Variants in GUCY1A1 observed in about 807,000 individuals in gnomAD.
The protein encoded by GUCY1A1 is guanylate cyclase 1 soluble subunit alpha 1.
A neutral mutation model predicts 64.5 loss-of-function variants in GUCY1A1; 48 were observed. The ratio of observed to expected loss-of-function variants is 0.74; its 90% CI spans 0.59 to 0.95. GUCY1A1 has a LOEUF of 0.95. Among genes scored for constraint, GUCY1A1 ranks in the 40% least tolerant of loss-of-function variants. The pLI, the probability that GUCY1A1 is intolerant of heterozygous loss-of-function variation, is 0.00. For missense variants in GUCY1A1, 804 were observed against 825.3 expected, an observed-to-expected ratio of 0.97 and a Z score of 0.32; for synonymous variants, 308 against 303.4, an observed-to-expected ratio of 1.02 and a Z score of -0.16.
chr4:155,690,343 T>A (rs1005672645), intron 2 of GUCY1A1, among the ~76,000 whole-genome samples: 1 of 152,148 alleles, frequency 6.6e-6, no homozygotes, highest in Non-Finnish European at 1.5e-5. Context: ...TGATTCATTT[T>A]TTCCCCCCAG....
chr4:155,676,277 A>G (rs1188130748), intron 2 of GUCY1A1, among the ~76,000 whole-genome samples: 1 of 148,770 alleles, frequency 6.7e-6, no homozygotes, highest in Non-Finnish European at 1.5e-5. Flanking sequence ...AAAAGAAAGC[A>G]AAGAATGTCC....
chr4:155,703,470 G>A (rs910664694), intron 3 of GUCY1A1, among the ~76,000 whole-genome samples: 4 of 152,212 alleles, frequency 2.6e-5, no homozygotes, highest in African/African-American at 9.6e-5. Flanking sequence ...TGGGTGTGGA[G>A]TTTGTGAAAG....
At chr4:155,682,603 T>G (rs1444012132) in intron 2 of GUCY1A1, among the ~76,000 whole-genome samples, 2 of 151,022 alleles carry the variant, frequency 1.3e-5, no homozygotes, top group African/African-American at 4.9e-5. Flanking sequence ...AACCGGGAGG[T>G]GGAGGTTGCA....
At chr4:155,684,527 A>G (rs7697320) in intron 2 of GUCY1A1, among the ~76,000 whole-genome samples, 17,096 of 152,136 alleles carry the variant, frequency 0.11, 3,206 homozygotes, top group African/African-American at 0.39. Context: ...GTACCTGACT[A>G]CCCATCAATT....
rs1280749453 is a variant in GUCY1A1, at chr4:155,713,109, C to G, written c.1098C>G (p.Leu366=). ...CCTTTCCTTCATAGGTTATGGACCT[C>G]AAAGGCCAAATGATCTACATTGTTG... is the stretch of plus-strand genomic sequence containing the variant. ...SVKKSSRVMD[L]KGQMIYIVES... Residue 366 remains leucine, a synonymous_variant, in exon 7 of 10, where the codon CTC becomes CTG. Coordinates refer to ENST00000506455, the MANE Select transcript of GUCY1A1 (RefSeq NM_001130682.3). The G allele has an allele frequency of 6.2e-7, 1 of 1,610,018 alleles. No homozygotes were observed. Among genetic ancestry groups the G allele is most frequent in the Non-Finnish European group, 8.5e-7 (1 of 1,177,640 alleles).
intron 9 of GUCY1A1, among the ~76,000 whole-genome samples, chr4:155,727,296 A>G (rs951703017): frequency 6.6e-6 from 1 of 151,892 alleles, no homozygotes; most frequent in Admixed American, 6.6e-5. Context: ...TAAAAAGACA[A>G]TATAATGAAC....
At chr4:155,677,593 G>T (rs1579002981) in intron 2 of GUCY1A1, among the ~76,000 whole-genome samples, 1 of 152,286 alleles carries the variant, frequency 6.6e-6, no homozygotes, top group African/African-American at 2.4e-5. Flanking sequence ...GCTCACACTT[G>T]TAATCCCAGC....
At chr4:155,690,304 G>A (rs1335716517) in intron 2 of GUCY1A1, among the ~76,000 whole-genome samples, 2 of 152,136 alleles carry the variant, frequency 1.3e-5, no homozygotes, top group Admixed American at 1.3e-4. Context: ...CCAGGCCTGC[G>A]GATTCTCTCT....
chr4:155,668,413 T>G (rs1733653614), intron 2 of GUCY1A1, among the ~76,000 whole-genome samples: 1 of 151,854 alleles, frequency 6.6e-6, no homozygotes, highest in South Asian at 2.1e-4. Flanking sequence ...ATAGGACAGA[T>G]TTTTTTTTCT....
chr4:155,717,089 C>A (rs2126904096), intron 7 of GUCY1A1, 70 bp from the exon 8 acceptor site: 1 of 1,113,944 alleles, frequency 9.0e-7, no homozygotes, highest in Non-Finnish European at 1.2e-6. Context: ...GACTTAATTT[C>A]TTCTATCCGA....
At chr4:155,716,466 A>G (rs1733245528) in intron 7 of GUCY1A1, among the ~76,000 whole-genome samples, 1 of 152,184 alleles carries the variant, frequency 6.6e-6, no homozygotes, top group African/African-American at 2.4e-5. Context: ...TGTAACGACA[A>G]CAATAATGAT....
Position 155,696,273 on chromosome 4 carries a change from C to G in GUCY1A1, c.-112-483C>G, listed in dbSNP as rs567204353. 2.6e-5 allele frequency among the ~76,000 whole-genome samples: 4 copies of G among 151,832 alleles called. No individual in the cohort carries two copies. In the South Asian group the frequency reaches 6.3e-4, roughly 24 times the overall value. On this transcript the variant is annotated intron_variant, in intron 2 of 9. Coordinates refer to ENST00000506455, the MANE Select transcript of GUCY1A1 (RefSeq NM_001130682.3). ...GGTGTTTCAAATCTGAAAACATATA[C>G]TTGGGGATCATTATACATATTGTTT...
chr4:155,691,906 G>A (rs181456594), intron 2 of GUCY1A1, among the ~76,000 whole-genome samples: 1 of 152,194 alleles, frequency 6.6e-6, no homozygotes, highest in East Asian at 1.9e-4. Flanking sequence ...TTTAAGCCTA[G>A]TACCCATTAG....
intron 7 of GUCY1A1, among the ~76,000 whole-genome samples, chr4:155,714,866 C>G (rs1434162497): frequency 2.0e-5 from 3 of 152,128 alleles, no homozygotes; most frequent in African/African-American, 7.2e-5. Context: ...GTTTGATGGC[C>G]TCTTGTGGAA....
intron 4 of GUCY1A1, among the ~76,000 whole-genome samples, chr4:155,704,693 AG>A (rs1731504266): frequency 6.6e-6 from 1 of 152,030 alleles, no homozygotes; most frequent in Non-Finnish European, 1.5e-5. Flanking sequence ...ATTTCTGAAG[AG>A]GCTTAATATA....
intron 9 of GUCY1A1, chr4:155,722,487 G>C: frequency 8.9e-7 from 1 of 1,124,160 alleles, no homozygotes; most frequent in Non-Finnish European, 1.1e-6. Context: ...ATGTTGATAG[G>C]TGTTCTGACA....
chr4:155,700,782 C>G (rs575253134), intron 3 of GUCY1A1, among the ~76,000 whole-genome samples: 35 of 152,080 alleles, frequency 2.3e-4, no homozygotes, highest in African/African-American at 8.4e-4. Flanking sequence ...AAAGGCTTTC[C>G]CAAATAGTAG....
rs780097799 is a variant in GUCY1A1 at position 155,713,559 on chromosome 4, G to T, written c.1548G>T (p.Gln516His). The part of the protein sequence containing the change: ...LNALYTRFDQ[Q>H]CGELDVYKVE... ...CACTGTACACTCGCTTCGACCAGCA[G>T]TGTGGAGAGCTGGATGTCTACAAGG... Residue 516 changes from glutamine to histidine, a missense_variant, in exon 7 of 10, where the codon CAG (glutamine) becomes CAT (histidine). By Grantham distance (24) the Gln-to-His change is conservative. Transcript: ENST00000506455. 6.2e-7 allele frequency: 1 copy of T among 1,613,612 alleles called. No homozygotes were observed. The highest frequency in any genetic ancestry group is 1.1e-5 in the South Asian group (1 of 91,078).
intron 5 of GUCY1A1, among the ~76,000 whole-genome samples, chr4:155,709,226 T>C (rs1350165552): frequency 6.6e-6 from 1 of 152,130 alleles, no homozygotes; most frequent in East Asian, 1.9e-4. Context: ...TCACTCGTGA[T>C]AAAAACTGGA....
Sources: gnomAD v4.1 joint callset for allele counts (sites outside exome capture counted in the v4.1 genomes callset) on GRCh38, gnomAD v4.1.1 for gene constraint, MANE v1.5 for transcripts, NCBI Gene and HGNC (gene_info 2026-07-23, HGNC 2026-07-21) for gene names.